Variants in CRACD observed in about 807,000 individuals in gnomAD.
CRACD encodes the protein capping protein-inhibiting regulator of actin dynamics.
In CRACD, 56 loss-of-function variants were observed where a neutral mutation model predicts 106.8. The ratio of observed to expected loss-of-function variants is 0.52; its 90% CI spans 0.42 to 0.66. The LOEUF (loss-of-function observed/expected upper bound fraction) is 0.66, where lower values mean the gene tolerates loss of function less well. Ranked by LOEUF, CRACD falls within the 30% of genes least tolerant of loss-of-function variation. CRACD has a pLI of 0.00. For synonymous variants in CRACD, 754 were observed against 670.8 expected (o/e 1.12, Z -1.92); for missense variants, 1,730 against 1,623.2 (o/e 1.07, Z -1.13).
At chr4:56,116,498 G>T (rs1278776218) in intron 1 of CRACD, among the ~76,000 whole-genome samples, 1 of 152,114 alleles carries the variant, frequency 6.6e-6, no homozygotes, top group African/African-American at 2.4e-5. Flanking sequence ...GAACATTATA[G>T]AGGGATCTGT....
chr4:56,054,823 C>G (rs1409227290), intron 1 of CRACD, among the ~76,000 whole-genome samples: 1 of 152,094 alleles, frequency 6.6e-6, no homozygotes, highest in Non-Finnish European at 1.5e-5. Context: ...AAAAGTGATA[C>G]CATTTAAAAT....
chr4:56,296,244 A>G (rs1348373215), intron 3 of CRACD, among the ~76,000 whole-genome samples: 2 of 152,084 alleles, frequency 1.3e-5, no homozygotes, highest in Non-Finnish European at 2.9e-5. Flanking sequence ...ATGTCTTTAT[A>G]TAAGTTATTT....
At chr4:56,140,034 T>C (rs991921512) in intron 1 of CRACD, among the ~76,000 whole-genome samples, 2 of 152,218 alleles carry the variant, frequency 1.3e-5, no homozygotes, top group Non-Finnish European at 2.9e-5. Flanking sequence ...TATAAACTTG[T>C]TTAGTTTTGT....
intron 1 of CRACD, among the ~76,000 whole-genome samples, chr4:56,132,378 T>C (rs1014029028): frequency 9.9e-5 from 15 of 152,026 alleles, no homozygotes; most frequent in African/African-American, 3.4e-4. Flanking sequence ...TCTCACTCTA[T>C]TGCCCAGTCT....
Position 56,329,577 on chromosome 4 carries a change from A to C in CRACD, c.*1773A>C, listed in dbSNP as rs1409671615. Among the ~76,000 whole-genome samples, 2 of 152,206 alleles carry C rather than the reference A, an allele frequency of 1.3e-5. No individual in the cohort carries two copies. Among genetic ancestry groups the C allele is most frequent in the Non-Finnish European group, 2.9e-5 (2 of 68,022 alleles). The stretch of plus-strand genomic sequence containing the variant: ...ATATACTGGACCTTCAGACTGTTAA[A>C]AATCAATGTAACCTTTTTTTATTGC... On this transcript the variant is annotated 3_prime_UTR_variant, in exon 11 of 11. Transcript: ENST00000682029.
chr4:56,157,843 G>A (rs533710748), intron 1 of CRACD, among the ~76,000 whole-genome samples: 2 of 152,240 alleles, frequency 1.3e-5, no homozygotes, highest in South Asian at 4.2e-4. Flanking sequence ...AGAAGGATGG[G>A]ACTAACTGGG....
chr4:56,205,517 GT>G lies in CRACD; in HGVS notation c.-189+26097del, dbSNP rs549442525. 1.0e-3 allele frequency among the ~76,000 whole-genome samples: 151 copies of G among 148,704 alleles called. 1 individual carries two copies. The highest frequency in any genetic ancestry group is 3.3e-3 in the African/African-American group (135 of 40,556). Reference sequence around the variant, plus strand: ...AAGCAATTTTACAATCCGGTTAAATGTTTTTTTTTTGTATGTGTGTGTGTAA... The same window carrying G: ...AAGCAATTTTACAATCCGGTTAAATGTTTTTTTTTGTATGTGTGTGTGTAA... On this transcript the variant is annotated intron_variant, in intron 2 of 10. Transcript: ENST00000682029.
chr4:56,256,761 TATC>T lies in CRACD; in HGVS notation c.-188-15559_-188-15557del, dbSNP rs1323389522. 5.9e-5 allele frequency among the ~76,000 whole-genome samples: 9 copies of T among 152,186 alleles called. No homozygotes were observed. The East Asian group carries it at 1.7e-3, about 29-fold the overall frequency. ...ACATTATCTTCTTTCTCTCAGCCCA[TATC>T]TGTGGAATGTAAACCAAAAATAAAA... is the stretch of plus-strand genomic sequence containing the variant. On this transcript the variant is annotated intron_variant, in intron 2 of 10. Transcript: ENST00000682029.
At chr4:56,253,796 G>A (rs986086661) in intron 2 of CRACD, among the ~76,000 whole-genome samples, 1 of 152,274 alleles carries the variant, frequency 6.6e-6, no homozygotes, top group Non-Finnish European at 1.5e-5. Flanking sequence ...ACAGTGAAGG[G>A]TTGCATAGCT....
chr4:56,089,621 C>T (rs1042689758), intron 1 of CRACD, among the ~76,000 whole-genome samples: 1 of 150,004 alleles, frequency 6.7e-6, no homozygotes, highest in Non-Finnish European at 1.5e-5. Flanking sequence ...TCAAGCGATT[C>T]TCCTGCCTCA....
intron 1 of CRACD, among the ~76,000 whole-genome samples, chr4:56,113,595 T>C (rs1734190020): frequency 6.6e-6 from 1 of 152,156 alleles, no homozygotes; most frequent in African/African-American, 2.4e-5. Flanking sequence ...TTGAGCAAAA[T>C]CTGCTAGTTT....
At chr4:56,080,027 A>T (rs180724255) in intron 1 of CRACD, among the ~76,000 whole-genome samples, 1 of 152,084 alleles carries the variant, frequency 6.6e-6, no homozygotes, top group African/African-American at 2.4e-5. Flanking sequence ...ATATTTTAGA[A>T]TACCTTTCAG....
chr4:56,256,892 T>C (rs1741388982), intron 2 of CRACD, among the ~76,000 whole-genome samples: 1 of 151,768 alleles, frequency 6.6e-6, no homozygotes. Context: ...GGAGTGGGGG[T>C]CAGTCATACC....
chr4:56,310,591 C>A, intron 5 of CRACD, 75 bp from the exon 6 acceptor site: 2 of 1,063,534 alleles, frequency 1.9e-6, no homozygotes, highest in South Asian at 1.3e-5. Flanking sequence ...CCTACCCAGG[C>A]ACAGACAGTG....
chr4:56,130,155 C>G (rs1452306182), intron 1 of CRACD, among the ~76,000 whole-genome samples: 2 of 152,136 alleles, frequency 1.3e-5, no homozygotes, highest in East Asian at 3.9e-4. Context: ...CCTGTAGTCC[C>G]AGCTACTTGG....
chr4:56,197,023 C>A (rs577066041), intron 2 of CRACD, among the ~76,000 whole-genome samples: 1 of 152,010 alleles, frequency 6.6e-6, no homozygotes. Context: ...CTTTAATTTT[C>A]AAAAATGTTG....
chr4:56,125,257 A>G (rs1473288470), intron 1 of CRACD, among the ~76,000 whole-genome samples: 3 of 152,148 alleles, frequency 2.0e-5, no homozygotes, highest in Non-Finnish European at 4.4e-5. Flanking sequence ...GATTTTTTTA[A>G]ATTGTATTGT....
chr4:56,084,824 T>C (rs1733159593), intron 1 of CRACD, among the ~76,000 whole-genome samples: 1 of 152,198 alleles, frequency 6.6e-6, no homozygotes, highest in African/African-American at 2.4e-5. Context: ...ACTGGGGTTA[T>C]TACCATTTGG....
chr4:56,304,869 C>T (rs906925607), intron 4 of CRACD, among the ~76,000 whole-genome samples: 2 of 151,938 alleles, frequency 1.3e-5, no homozygotes, highest in Non-Finnish European at 2.9e-5. Flanking sequence ...TGGCAAAAAT[C>T]CTAATTAAAT....
Sources: gnomAD v4.1 joint callset for allele counts (sites outside exome capture counted in the v4.1 genomes callset) on GRCh38, gnomAD v4.1.1 for gene constraint, MANE v1.5 for transcripts, NCBI Gene and HGNC (gene_info 2026-07-23, HGNC 2026-07-21) for gene names.